GGTA1: variants seen among roughly 807,000 people sequenced by gnomAD.
GGTA1 encodes glycoprotein alpha-galactosyltransferase 1 (inactive), also known as inactive N-acetyllactosaminide alpha-1,3-galactosyltransferase.
In GGTA1, 5 loss-of-function variants were observed where a neutral mutation model predicts 2.6. That is an observed-to-expected ratio of 1.92 (90% CI 1.00 to 4.04). The LOEUF (loss-of-function observed/expected upper bound fraction) is 4.04, where lower values mean the gene tolerates loss of function less well. Among genes scored for constraint, GGTA1 ranks in the 30% most tolerant of loss-of-function variants. The pLI, the probability that GGTA1 is intolerant of heterozygous loss-of-function variation, is 0.00. For synonymous variants in GGTA1, 17 were observed against 5.0 expected (o/e 3.38, Z -3.19); for missense variants, 50 against 16.7 (o/e 2.99, Z -3.47).
At chr9:121,461,397 C>T (rs1334612716) in intron 3 of GGTA1, 80 bp from the exon 4 acceptor site, 6 of 407,008 alleles carry the variant, frequency 1.5e-5, no homozygotes, top group Admixed American at 3.4e-5. Context: ...CTTTCTATAG[C>T]CGAGATTACT....
intron 4 of GGTA1, 22 bp downstream of exon 4, chr9:121,461,230 G>A (rs897223168): frequency 1.1e-5 from 5 of 455,876 alleles, no homozygotes; most frequent in Non-Finnish European, 1.8e-5. Context: ...GGCAAACACC[G>A]ACTGCTGTCT....
chr9:121,453,724 C>G (rs16910617), downstream of GGTA1, among the ~76,000 whole-genome samples: 1,277 of 152,308 alleles, frequency 8.4e-3, 19 homozygotes, highest in African/African-American at 0.029. Flanking sequence ...GTCAAGGAGA[C>G]GTTAGCAAAT....
intron 2 of GGTA1, 116 bp from the exon 3 acceptor site, chr9:121,463,444 T>C: frequency 2.6e-6 from 1 of 379,646 alleles, no homozygotes; most frequent in South Asian, 2.0e-5. Flanking sequence ...TTTTAGCTGC[T>C]TCCTGGTTTC....
chr9:121,459,872 C>G (rs1325621066), intron 5 of GGTA1, among the ~76,000 whole-genome samples: 6 of 152,256 alleles, frequency 3.9e-5, no homozygotes, highest in African/African-American at 1.4e-4. Context: ...TCTCCTCTCC[C>G]TAACACAATG....
chr9:121,445,503 C>T (rs1363781977), exon 8 of GGTA1: 3 of 152,106 alleles, frequency 2.0e-5, no homozygotes, highest in African/African-American at 4.8e-5. Flanking sequence ...AAACAAATGA[C>T]CGAGACTGGA....
chr9:121,469,341 C>T (rs1165478653), intron 1 of GGTA1, among the ~76,000 whole-genome samples: 7 of 152,128 alleles, frequency 4.6e-5, no homozygotes, highest in African/African-American at 1.7e-4. Flanking sequence ...TTTAAACAGA[C>T]AGCATTAAAG....
chr9:121,490,057 G>A (rs1009404736), intron 1 of GGTA1, among the ~76,000 whole-genome samples: 1 of 152,192 alleles, frequency 6.6e-6, no homozygotes, highest in Non-Finnish European at 1.5e-5. Context: ...AAAGGAACTT[G>A]CGAAGAATTT....
chr9:121,498,313 T>C (rs1198716046), intron 1 of GGTA1, among the ~76,000 whole-genome samples: 2 of 152,284 alleles, frequency 1.3e-5, no homozygotes, highest in African/African-American at 4.8e-5. Context: ...ACCTGTTACA[T>C]GTAAATGAGA....
In GGTA1 at chr9:121,455,747, C is replaced by G. The variant is rs1464174542; in HGVS notation, c.*90G>C. Reference sequence around the variant, plus strand: ...GTCCCAACAGGTGGTCCGCCTGTTACACACTCCTTAACCGCATGATCTCTC... The same window carrying G: ...GTCCCAACAGGTGGTCCGCCTGTTAGACACTCCTTAACCGCATGATCTCTC... On this transcript the variant is annotated 3_prime_UTR_variant, in exon 6 of 6. Transcript: ENST00000481799. The G allele has an allele frequency of 4.8e-6, 2 of 420,710 alleles. No individual in the cohort carries two copies. The highest frequency in any genetic ancestry group is 1.4e-4 in the East Asian group (2 of 14,148). The allele number at this position is 420,710 out of a possible 1,614,324, so 26.1% of individuals were successfully genotyped here.
intron 5 of GGTA1, among the ~76,000 whole-genome samples, chr9:121,459,067 T>C (rs7864218): frequency 0.92 from 139,708 of 152,292 alleles, 64,623 homozygotes; most frequent in Non-Finnish European, 0.99. Flanking sequence ...TCCCATCCCT[T>C]CACACTGGCA....
chr9:121,496,857 A>G (rs1281530420), intron 1 of GGTA1, among the ~76,000 whole-genome samples: 1 of 151,938 alleles, frequency 6.6e-6, no homozygotes, highest in Non-Finnish European at 1.5e-5. Context: ...CTCTGTCTCA[A>G]ACAAACAAAA....
intron 1 of GGTA1, among the ~76,000 whole-genome samples, chr9:121,479,567 C>A (rs921955529): frequency 6.6e-6 from 1 of 152,114 alleles, no homozygotes. Flanking sequence ...GGAAAGGCCA[C>A]CACCCACCCT....
intron 1 of GGTA1, among the ~76,000 whole-genome samples, chr9:121,470,632 G>C (rs2118703077): frequency 6.6e-6 from 1 of 152,350 alleles, no homozygotes; most frequent in South Asian, 2.1e-4. Context: ...AAAGACATCA[G>C]ACCTAACCAA....
intron 2 of GGTA1, among the ~76,000 whole-genome samples, chr9:121,465,934 G>T (rs1468155537): frequency 2.0e-5 from 3 of 150,806 alleles, no homozygotes; most frequent in Non-Finnish European, 4.4e-5. Flanking sequence ...CTTTTTTTTT[G>T]AGACAGTGCC....
chr9:121,457,726 A>C (rs919720563), intron 5 of GGTA1, among the ~76,000 whole-genome samples: 3 of 150,068 alleles, frequency 2.0e-5, no homozygotes, highest in African/African-American at 7.3e-5. Context: ...ACAGTATATA[A>C]AGAACAGAGA....
chr9:121,473,157 T>C (rs1312357719), intron 1 of GGTA1, among the ~76,000 whole-genome samples: 1 of 151,400 alleles, frequency 6.6e-6, no homozygotes, highest in Non-Finnish European at 1.5e-5. Context: ...CCTTCTCTAC[T>C]AAAAATACAA....
chr9:121,498,000 T>C (rs1336227341), intron 1 of GGTA1, among the ~76,000 whole-genome samples: 2 of 152,206 alleles, frequency 1.3e-5, no homozygotes, highest in African/African-American at 4.8e-5. Context: ...TTTGCCCAAA[T>C]CACGTTGCAC....
chr9:121,479,200 C>A (rs1231549295), intron 1 of GGTA1: 1 of 434,462 alleles, frequency 2.3e-6, no homozygotes, highest in Non-Finnish European at 4.6e-6. Context: ...ATGGCAGAAG[C>A]AAATCATTTC....
At chr9:121,493,083 A>G (rs570084022) in intron 1 of GGTA1, among the ~76,000 whole-genome samples, 31 of 152,004 alleles carry the variant, frequency 2.0e-4, no homozygotes, top group Non-Finnish European at 3.7e-4. Context: ...GCAGTGAGCC[A>G]AAATCACGCC....
Sources: gnomAD v4.1 joint callset for allele counts (sites outside exome capture counted in the v4.1 genomes callset) on GRCh38, gnomAD v4.1.1 for gene constraint, MANE v1.5 for transcripts, NCBI Gene and HGNC (gene_info 2026-07-23, HGNC 2026-07-21) for gene names.